The following VSNL1 variants were observed in gnomAD, a reference collection of about 807,000 sequenced individuals.
VSNL1 encodes visinin like 1.
Under a neutral mutation model 20.4 loss-of-function variants are expected in VSNL1, and 6 were observed. The ratio of observed to expected loss-of-function variants is 0.29; its 90% confidence interval spans 0.16 to 0.58. The LOEUF (loss-of-function observed/expected upper bound fraction) is 0.58. Among genes scored for constraint, VSNL1 ranks in the 20% least tolerant of loss-of-function variants. The probability of loss-of-function intolerance (pLI) is 0.90; values close to 1 mark genes in which losing one functional copy is unlikely to be tolerated. For missense variants in VSNL1, 100 were observed against 234.5 expected (o/e 0.43, Z 3.75); for synonymous variants, 93 against 86.4 (o/e 1.08, Z -0.42).
chr2:17,599,893 G>A (rs903564694), intron 2 of VSNL1, among the ~76,000 whole-genome samples: 2 of 152,174 alleles, frequency 1.3e-5, no homozygotes, highest in Admixed American at 1.3e-4. Flanking sequence ...GCATCTGGGA[G>A]GTTCTCCAGT....
chr2:17,566,342 T>C (rs1663942126), intron 1 of VSNL1, among the ~76,000 whole-genome samples: 2 of 152,174 alleles, frequency 1.3e-5, no homozygotes, highest in African/African-American at 4.8e-5. Context: ...CTACAGAAAA[T>C]ATACCAATTT....
intron 1 of VSNL1, among the ~76,000 whole-genome samples, chr2:17,570,021 G>A (rs922185769): frequency 2.6e-5 from 4 of 152,228 alleles, no homozygotes; most frequent in Admixed American, 6.5e-5. Flanking sequence ...GATCTTTTCC[G>A]CTCAGTCTAT....
chr2:17,591,379 A>G (rs1361770346), intron 1 of VSNL1, among the ~76,000 whole-genome samples: 2 of 152,230 alleles, frequency 1.3e-5, no homozygotes, highest in South Asian at 2.1e-4. Context: ...ACTCAAAATC[A>G]GAAATAATAG....
chr2:17,640,211 CCATTGCACT>C (rs1186312963), intron 2 of VSNL1, among the ~76,000 whole-genome samples: 2 of 150,486 alleles, frequency 1.3e-5, no homozygotes, highest in Admixed American at 1.3e-4. Flanking sequence ...CAAGATCGTG[CCATTGCACT>C]CTGGCCTGGG....
intron 2 of VSNL1, among the ~76,000 whole-genome samples, chr2:17,609,161 C>T (rs1665021585): frequency 6.6e-6 from 1 of 152,138 alleles, no homozygotes; most frequent in Non-Finnish European, 1.5e-5. Context: ...TCCTCAAGGC[C>T]TCGGTCTCTT....
At chr2:17,546,673 G>T (rs892478713) in intron 1 of VSNL1, among the ~76,000 whole-genome samples, 1 of 151,892 alleles carries the variant, frequency 6.6e-6, no homozygotes, top group African/African-American at 2.4e-5. Context: ...AAAATGTCCC[G>T]TTGGAGACCC....
intron 2 of VSNL1, among the ~76,000 whole-genome samples, chr2:17,614,149 T>C (rs1327829358): frequency 6.6e-6 from 1 of 152,126 alleles, no homozygotes; most frequent in East Asian, 1.9e-4. Context: ...TCCTTCAGTG[T>C]GGGCAAGGCC....
intron 2 of VSNL1, among the ~76,000 whole-genome samples, chr2:17,642,873 T>C (rs1448740864): frequency 3.9e-5 from 6 of 152,218 alleles, no homozygotes; most frequent in Non-Finnish European, 5.9e-5. Flanking sequence ...CACAGGCTAA[T>C]AATGGCTACC....
intron 1 of VSNL1, among the ~76,000 whole-genome samples, chr2:17,585,313 A>T (rs943306648): frequency 6.6e-6 from 1 of 151,768 alleles, no homozygotes; most frequent in Admixed American, 6.6e-5. Context: ...GCTTGTGAGT[A>T]CTTGGCTTCT....
At chr2:17,563,789 GA>G (rs201324327) in intron 1 of VSNL1, among the ~76,000 whole-genome samples, 5,018 of 152,136 alleles carry the variant, frequency 0.033, 88 homozygotes, top group East Asian at 0.096. Context: ...CATGAATCTA[GA>G]AAAAAATTAA....
chr2:17,594,268 CT>C (rs1664663633), intron 2 of VSNL1, among the ~76,000 whole-genome samples: 1 of 152,170 alleles, frequency 6.6e-6, no homozygotes, highest in Non-Finnish European at 1.5e-5. Flanking sequence ...GAATATATGA[CT>C]TTCTGAACTT....
intron 2 of VSNL1, among the ~76,000 whole-genome samples, chr2:17,646,429 T>C (rs1210703984): frequency 6.6e-6 from 1 of 152,242 alleles, no homozygotes; most frequent in Non-Finnish European, 1.5e-5. Context: ...TCAGACAGAT[T>C]TGCATTCAAA....
intron 1 of VSNL1, among the ~76,000 whole-genome samples, chr2:17,587,731 C>T (rs2103372019): frequency 6.6e-6 from 1 of 152,202 alleles, no homozygotes; most frequent in East Asian, 1.9e-4. Context: ...TTTACTAAGC[C>T]CTTACTAGCT....
chr2:17,646,244 T>G (rs764870238), intron 2 of VSNL1, among the ~76,000 whole-genome samples: 1 of 152,228 alleles, frequency 6.6e-6, no homozygotes. Context: ...GCAGTACATA[T>G]GTGCTGCCAG....
rs779060829 is a variant in VSNL1 at position 17,649,642 on chromosome 2, G to C, written c.378+17G>C. The C allele has an allele frequency of 3.8e-5, 61 of 1,613,204 alleles. No homozygotes were observed. Among genetic ancestry groups the C allele is most frequent in the Non-Finnish European group, 4.2e-5 (50 of 1,179,724 alleles). ...ATCATCGAGGTGAGGCCCGGGGTGT[G>C]GTTGGCGGGTGGTGGGCACAGAAGG... On this transcript the variant is annotated intron_variant, in intron 3 of 3. Transcript: ENST00000295156. The surrounding 1 kb of genome is among the most constrained non-coding windows in gnomAD (Gnocchi z 6.4).
At chr2:17,614,579 C>T (rs959787594) in intron 2 of VSNL1, among the ~76,000 whole-genome samples, 3 of 152,212 alleles carry the variant, frequency 2.0e-5, no homozygotes, top group South Asian at 2.1e-4. Flanking sequence ...CTCACTCACT[C>T]AGCTGTGGCC....
intron 1 of VSNL1, among the ~76,000 whole-genome samples, chr2:17,583,380 T>A (rs1423138932): frequency 6.6e-6 from 1 of 152,192 alleles, no homozygotes; most frequent in Non-Finnish European, 1.5e-5. Context: ...CAGCACAACC[T>A]AGAACACAAT....
chr2:17,637,620 G>T (rs949326086), intron 2 of VSNL1, among the ~76,000 whole-genome samples: 2 of 152,214 alleles, frequency 1.3e-5, no homozygotes, highest in Non-Finnish European at 2.9e-5. Flanking sequence ...GTGCCTGGAG[G>T]CTACACTCTT....
chr2:17,639,641 C>T (rs1379612884), intron 2 of VSNL1, among the ~76,000 whole-genome samples: 1 of 152,200 alleles, frequency 6.6e-6, no homozygotes, highest in Non-Finnish European at 1.5e-5. Flanking sequence ...ATACACAGAA[C>T]ACAGCCTTGC....
Sources: gnomAD v4.1 joint callset for allele counts (sites outside exome capture counted in the v4.1 genomes callset) on GRCh38, gnomAD v4.1.1 for gene constraint, Gnocchi (gnomAD v3.1) non-coding constraint, MANE v1.5 for transcripts, NCBI Gene and HGNC (gene_info 2026-07-23, HGNC 2026-07-21) for gene names.